Variants in SORCS3 observed in about 807,000 individuals in gnomAD.
SORCS3 encodes sortilin related VPS10 domain containing receptor 3.
In SORCS3, 57 loss-of-function variants were observed where a neutral mutation model predicts 146.3. The ratio of observed to expected loss-of-function variants is 0.39; its 90% CI spans 0.31 to 0.49. The LOEUF (loss-of-function observed/expected upper bound fraction) is 0.49. Ranked by LOEUF, SORCS3 falls within the 20% of genes least tolerant of loss-of-function variation. The pLI, the probability that SORCS3 is intolerant of heterozygous loss-of-function variation, is 0.92. For synonymous variants in SORCS3, 653 were observed against 618.5 expected (o/e 1.06, Z -0.83); for missense variants, 1,341 against 1,575.5 (o/e 0.85, Z 2.52).
chr10:104,926,971 A>G (rs974050948), intron 3 of SORCS3, among the ~76,000 whole-genome samples: 7 of 152,244 alleles, frequency 4.6e-5, no homozygotes, highest in Admixed American at 1.3e-4. Context: ...AATAAAGATA[A>G]TAATGATTTG....
At chr10:105,051,310 G>A (rs1355361110) in intron 5 of SORCS3, among the ~76,000 whole-genome samples, 1 of 152,074 alleles carries the variant, frequency 6.6e-6, no homozygotes, top group Non-Finnish European at 1.5e-5. Flanking sequence ...TGTGGGTGGA[G>A]GATGAAGGGC....
chr10:104,785,215 CTT>C (rs1038641055), intron 1 of SORCS3, among the ~76,000 whole-genome samples: 1 of 150,600 alleles, frequency 6.6e-6, no homozygotes, highest in African/African-American at 2.4e-5. Flanking sequence ...ACATGGGAGA[CTT>C]TTCATTTTGT....
chr10:105,020,285 T>C (rs1170097342), intron 4 of SORCS3, among the ~76,000 whole-genome samples: 4 of 152,204 alleles, frequency 2.6e-5, no homozygotes, highest in Admixed American at 2.6e-4. Flanking sequence ...ATTAAGGGCC[T>C]CGTAAATACT....
chr10:104,780,263 T>C (rs556464580), intron 1 of SORCS3, among the ~76,000 whole-genome samples: 4 of 151,910 alleles, frequency 2.6e-5, no homozygotes, highest in Admixed American at 6.6e-5. Flanking sequence ...TGAGCATACA[T>C]ACCAATATGA....
intron 5 of SORCS3, among the ~76,000 whole-genome samples, chr10:105,048,798 A>G (rs1271794794): frequency 6.6e-6 from 1 of 152,072 alleles, no homozygotes; most frequent in Non-Finnish European, 1.5e-5. Context: ...CTCTTTTTGT[A>G]TGCATATGTT....
intron 9 of SORCS3, among the ~76,000 whole-genome samples, chr10:105,154,750 T>G (rs1189065620): frequency 6.6e-6 from 1 of 152,216 alleles, no homozygotes; most frequent in Non-Finnish European, 1.5e-5. Flanking sequence ...GAAATATATG[T>G]GTACATACAT....
At chr10:104,773,754 G>A (rs1010159290) in intron 1 of SORCS3, among the ~76,000 whole-genome samples, 2 of 152,210 alleles carry the variant, frequency 1.3e-5, no homozygotes, top group Admixed American at 1.3e-4. Context: ...GATAAGAACT[G>A]CTCAAACTAG....
rs564836329 is a variant in SORCS3 at position 105,117,041 on chromosome 10, G to T, written c.1212+11526G>T. Among the ~76,000 whole-genome samples, 7 of 150,698 alleles carry T rather than the reference G, an allele frequency of 4.6e-5. No homozygotes were observed. In the South Asian group the frequency reaches 1.5e-3, roughly 32 times the overall value. Reference sequence around the variant, plus strand: ...CATGTACCCTGAACCTAAAATAAAAGTTAAAAAAAAAAACAAAACTAATGG... The same window carrying T: ...CATGTACCCTGAACCTAAAATAAAATTTAAAAAAAAAAACAAAACTAATGG... On this transcript the variant is annotated intron_variant, in intron 7 of 26. Transcript: ENST00000369701.
Position 105,004,520 on chromosome 10 carries a change from T to C in SORCS3, c.954+27027T>C, listed in dbSNP as rs536721264. On this transcript the variant is annotated intron_variant, in intron 4 of 26. Coordinates refer to ENST00000369701, the MANE Select transcript of SORCS3 (RefSeq NM_014978.3). ...AGGGATTGGAGCTTCTGCCAGAAAC[T>C]TGGGGACTAGGCAGGATAGGAAGTG... Among the ~76,000 whole-genome samples, 24 of 152,166 alleles carry C rather than the reference T, an allele frequency of 1.6e-4. No homozygotes were observed. In the South Asian group the frequency reaches 3.7e-3, roughly 24 times the overall value.
intron 3 of SORCS3, among the ~76,000 whole-genome samples, chr10:104,923,647 G>T (rs2019110118): frequency 6.6e-6 from 1 of 152,206 alleles, no homozygotes; most frequent in Admixed American, 6.5e-5. Flanking sequence ...CAGAATAGAG[G>T]ACACCAAGTG....
At chr10:105,112,980 C>G (rs969004069) in intron 7 of SORCS3, among the ~76,000 whole-genome samples, 4 of 152,160 alleles carry the variant, frequency 2.6e-5, no homozygotes, top group African/African-American at 9.7e-5. Flanking sequence ...ACAAAGGAGA[C>G]CAGCCTTTCC....
At chr10:104,734,572 T>G (rs1330007806) in intron 1 of SORCS3, among the ~76,000 whole-genome samples, 1 of 152,232 alleles carries the variant, frequency 6.6e-6, no homozygotes, top group Non-Finnish European at 1.5e-5. Flanking sequence ...TTGCATGCTA[T>G]TGTTACTCAG....
chr10:104,869,336 C>G (rs114600139), intron 2 of SORCS3, among the ~76,000 whole-genome samples: 2 of 152,154 alleles, frequency 1.3e-5, no homozygotes, highest in African/African-American at 4.8e-5. Context: ...CAGGAGAAGA[C>G]TAATGTTGAA....
chr10:105,031,762 C>T (rs554902154), intron 4 of SORCS3, among the ~76,000 whole-genome samples: 12 of 152,368 alleles, frequency 7.9e-5, no homozygotes, highest in African/African-American at 2.9e-4. Context: ...TCCTCCCAAC[C>T]TTTGCCTGCA....
At chr10:104,715,492 G>A (rs2016465849) in intron 1 of SORCS3, among the ~76,000 whole-genome samples, 1 of 152,100 alleles carries the variant, frequency 6.6e-6, no homozygotes, top group African/African-American at 2.4e-5. Context: ...GGCAGATCAT[G>A]GGACTTCTCA....
At chr10:104,790,307 G>A (rs1477065516) in intron 1 of SORCS3, among the ~76,000 whole-genome samples, 1 of 152,134 alleles carries the variant, frequency 6.6e-6, no homozygotes, top group Admixed American at 6.6e-5. Flanking sequence ...AGAGTTTTCA[G>A]TAGATGGAGA....
At chr10:105,101,405 C>T (rs1297133533) in intron 6 of SORCS3, among the ~76,000 whole-genome samples, 1 of 152,194 alleles carries the variant, frequency 6.6e-6, no homozygotes, top group African/African-American at 2.4e-5. Context: ...GCAGAGGGCA[C>T]TGCGGCACTT....
At chr10:104,859,283 T>C (rs144018103) in intron 2 of SORCS3, among the ~76,000 whole-genome samples, 2,352 of 152,226 alleles carry the variant, frequency 0.015, 19 homozygotes, top group Middle Eastern at 0.034. Flanking sequence ...AACTATCTGA[T>C]CTTTGACAAA....
chr10:105,245,116 G>C (rs1296012466), intron 20 of SORCS3, among the ~76,000 whole-genome samples: 2 of 148,160 alleles, frequency 1.3e-5, no homozygotes, highest in East Asian at 2.0e-4. Context: ...TAATACAGAA[G>C]TAAATAACTA....
Sources: allele counts gnomAD v4.1 joint callset (sites outside exome capture counted in the v4.1 genomes callset), GRCh38; gene constraint gnomAD v4.1.1; transcripts MANE v1.5; gene names NCBI Gene and HGNC (gene_info 2026-07-23, HGNC 2026-07-21).